The following FRK variants were observed in gnomAD, a reference collection of about 807,000 sequenced individuals.
FRK encodes fyn related Src family tyrosine kinase.
In FRK, 51 loss-of-function variants were observed where a neutral mutation model predicts 56.4. That is an observed-to-expected ratio of 0.90 (90% CI 0.72 to 1.14). The LOEUF (loss-of-function observed/expected upper bound fraction) is 1.14. Among genes scored for constraint, FRK ranks in the 50% most tolerant of loss-of-function variants. The pLI, the probability that FRK is intolerant of heterozygous loss-of-function variation, is 0.00. For synonymous variants in FRK, 245 were observed against 217.9 expected, an observed-to-expected ratio of 1.12 and a Z score of -1.10; for missense variants, 570 against 601.4, an observed-to-expected ratio of 0.95 and a Z score of 0.55.
At chr6:116,053,822 T>C (rs1777272061) in intron 1 of FRK, among the ~76,000 whole-genome samples, 1 of 152,116 alleles carries the variant, frequency 6.6e-6, no homozygotes, top group Admixed American at 6.6e-5. Context: ...ATGTTGCTAC[T>C]TTTCCTAGAA....
chr6:116,035,900 T>C (rs1263902867), intron 1 of FRK, among the ~76,000 whole-genome samples: 2 of 152,076 alleles, frequency 1.3e-5, no homozygotes, highest in African/African-American at 2.4e-5. Flanking sequence ...CCTTTTATAA[T>C]AGAAATTTAA....
intron 1 of FRK, among the ~76,000 whole-genome samples, chr6:116,032,674 A>G (rs527600963): frequency 2.0e-5 from 3 of 152,294 alleles, no homozygotes; most frequent in East Asian, 3.9e-4. Flanking sequence ...GTCAAGTAGC[A>G]TTACTGCAAA....
rs1234928702 is a variant in FRK, at chr6:115,967,578, G to C, written c.772C>G (p.Pro258Ala). ...GGTTTTAATGTTTTCACTGCTACTG[G>C]AGTGGTATTGTTCCACAGACCTTCC... ...VWEGLWNNTT[P>A]VAVKTLKPGS... The change falls in exon 4 of 8, where the codon CCA (proline) becomes GCA (alanine). Residue 258 changes from proline (P) to alanine (A), a missense_variant. Transcript: ENST00000606080. 1.2e-6 allele frequency: 2 copies of C among 1,613,380 alleles called. No homozygotes were observed. Among genetic ancestry groups the C allele is most frequent in the South Asian group, 2.2e-5 (2 of 91,026 alleles).
intron 4 of FRK, among the ~76,000 whole-genome samples, chr6:115,966,371 T>G (rs1464524717): frequency 2.0e-5 from 3 of 152,222 alleles, no homozygotes; most frequent in Admixed American, 1.3e-4. Context: ...AAAAGGAATG[T>G]TGTTCTAAAG....
chr6:116,094,374 G>A, the FRK span, among the ~76,000 whole-genome samples: 38 of 152,324 alleles, frequency 2.5e-4, 1 homozygote, highest in Middle Eastern at 3.4e-3. Context: ...GGACACTGGC[G>A]TGGCTTTCTC....
At chr6:115,988,810 T>C (rs1774485789) in intron 2 of FRK, among the ~76,000 whole-genome samples, 1 of 152,022 alleles carries the variant, frequency 6.6e-6, no homozygotes, top group Non-Finnish European at 1.5e-5. Context: ...ACATATCTTA[T>C]TTGATTTAAG....
chr6:115,983,465 G>T (rs976186413), intron 2 of FRK, among the ~76,000 whole-genome samples: 3 of 152,102 alleles, frequency 2.0e-5, no homozygotes, highest in Admixed American at 2.0e-4. Context: ...ACCTCTTAAA[G>T]GGAAATACTA....
chr6:115,973,795 C>T (rs1431469796), intron 2 of FRK, among the ~76,000 whole-genome samples: 67 of 151,504 alleles, frequency 4.4e-4, no homozygotes, highest in Admixed American at 2.0e-3. Flanking sequence ...TGCTTGAACC[C>T]GGGAGGCAGA....
rs1450998460 is a variant in FRK at position 115,939,808 on chromosome 6, C to A, written c.*2606G>T. On this transcript the variant is annotated 3_prime_UTR_variant, in exon 8 of 8. Coordinates refer to ENST00000606080, the MANE Select transcript of FRK (RefSeq NM_002031.3). ...GACCTCTTCAAGGAGAACTACAAAC[C>A]ACTGCTCAAGGAAATAAGAGAGGAC... is the stretch of plus-strand genomic sequence containing the variant. 1 of 152,134 alleles carries A rather than the reference C, an allele frequency of 6.6e-6. No homozygotes were observed. The allele number at this position is 152,134 out of a possible 1,614,324, so 9.4% of individuals were successfully genotyped here.
At chr6:116,018,111 G>A (rs1199756225) in intron 1 of FRK, among the ~76,000 whole-genome samples, 1 of 152,048 alleles carries the variant, frequency 6.6e-6, no homozygotes, top group East Asian at 1.9e-4. Context: ...CCCCTAATAG[G>A]TTGCTGAGGA....
At chr6:116,018,530 A>T (rs374568708) in intron 1 of FRK, among the ~76,000 whole-genome samples, 1 of 152,226 alleles carries the variant, frequency 6.6e-6, no homozygotes. Context: ...TATTAAAATT[A>T]TAAGTGTCTT....
intron 2 of FRK, among the ~76,000 whole-genome samples, chr6:115,999,443 C>G (rs185352585): frequency 6.6e-6 from 1 of 152,270 alleles, no homozygotes; most frequent in Non-Finnish European, 1.5e-5. Context: ...GTGCAGGGAT[C>G]ACAACAACCC....
At chr6:116,079,256 A>C in the FRK span, among the ~76,000 whole-genome samples, 10 of 151,884 alleles carry the variant, frequency 6.6e-5, no homozygotes, top group Non-Finnish European at 1.3e-4. Context: ...AATTTTTGCC[A>C]ATCTGATGGA....
chr6:115,978,385 C>A (rs1774063599), intron 2 of FRK, among the ~76,000 whole-genome samples: 1 of 152,012 alleles, frequency 6.6e-6, no homozygotes, highest in African/African-American at 2.4e-5. Context: ...GGAAATAAGA[C>A]AAAAGGTAAA....
At chr6:116,038,413 T>G (rs1776567792) in intron 1 of FRK, among the ~76,000 whole-genome samples, 1 of 151,952 alleles carries the variant, frequency 6.6e-6, no homozygotes, top group Non-Finnish European at 1.5e-5. Context: ...GAATAACAAT[T>G]TAAAAGAATT....
chr6:115,965,378 A>T (rs1420461429), intron 4 of FRK, among the ~76,000 whole-genome samples: 1 of 16,934 alleles, frequency 5.9e-5, no homozygotes, highest in African/African-American at 2.5e-4. Context: ...TAGAATGGCA[A>T]TCATTAAAAA....
At chr6:116,081,384 C>T in the FRK span, among the ~76,000 whole-genome samples, 4 of 152,296 alleles carry the variant, frequency 2.6e-5, no homozygotes, top group African/African-American at 9.6e-5. Context: ...AGGCCAGGTG[C>T]AGTGGCTCAC....
chr6:116,100,614 T>C, the FRK span, among the ~76,000 whole-genome samples: 1 of 152,206 alleles, frequency 6.6e-6, no homozygotes, highest in African/African-American at 2.4e-5. Flanking sequence ...GCACCGCTCC[T>C]GGACCCCTAC....
intron 1 of FRK, among the ~76,000 whole-genome samples, chr6:116,024,082 ACACAC>A (rs1185375140): frequency 6.6e-6 from 1 of 151,660 alleles, no homozygotes; most frequent in African/African-American, 2.4e-5. Flanking sequence ...ACACACACAC[ACACAC>A]ACACACACAC....
Sources: allele counts gnomAD v4.1 joint callset (sites outside exome capture counted in the v4.1 genomes callset), GRCh38; gene constraint gnomAD v4.1.1; transcripts MANE v1.5; gene names NCBI Gene and HGNC (gene_info 2026-07-23, HGNC 2026-07-21).